Variants in ZFPM2 observed in about 807,000 individuals in gnomAD.
The protein encoded by ZFPM2 is zinc finger protein ZFPM2.
Under a neutral mutation model 98.6 loss-of-function variants are expected in ZFPM2, and 20 were observed. The observed-to-expected ratio is 0.20, with a 90% CI of 0.14 to 0.29. The LOEUF (loss-of-function observed/expected upper bound fraction) is 0.29, where lower values mean the gene tolerates loss of function less well. ZFPM2 is among the 10% of genes least tolerant of loss of function. The pLI is 1.00. For synonymous variants in ZFPM2, 518 were observed against 502.7 expected (o/e 1.03, Z -0.41); for missense variants, 1,310 against 1,388.6 (o/e 0.94, Z 0.90).
intron 1 of ZFPM2, among the ~76,000 whole-genome samples, chr8:105,393,379 T>TTTCTTTCTTTCTTTCTTTCC: frequency 9.4e-6 from 1 of 106,532 alleles, no homozygotes; most frequent in East Asian, 2.4e-4. Context: ...TCTTTCTTTC[T>TTTCTTTCTTTCTTTCTTTCC]TTCTTTCTTT....
chr8:105,616,607 A>G, intron 4 of ZFPM2: 1 of 282,498 alleles, frequency 3.5e-6, no homozygotes, highest in Non-Finnish European at 6.9e-6. Context: ...TTTCAGGTAT[A>G]AGTCTAAGTG....
chr8:105,749,414 T>C (rs1390339470), intron 5 of ZFPM2, among the ~76,000 whole-genome samples: 2 of 152,076 alleles, frequency 1.3e-5, no homozygotes, highest in African/African-American at 2.4e-5. Context: ...AAACATATAT[T>C]TGGGGGCAAA....
chr8:105,791,713 C>G (rs1386848869), intron 6 of ZFPM2, among the ~76,000 whole-genome samples: 3 of 152,204 alleles, frequency 2.0e-5, no homozygotes, highest in Admixed American at 1.3e-4. Context: ...ATGAATCCAT[C>G]TGGTCCTGGA....
chr8:105,510,469 A>T (rs1813795996), intron 3 of ZFPM2, among the ~76,000 whole-genome samples: 1 of 149,306 alleles, frequency 6.7e-6, no homozygotes, highest in African/African-American at 2.5e-5. Flanking sequence ...CTTGGAGATG[A>T]TTCACTATAA....
chr8:105,489,467 T>TATATATATA (rs372429625), intron 3 of ZFPM2, among the ~76,000 whole-genome samples: 4 of 88,038 alleles, frequency 4.5e-5, no homozygotes, highest in Admixed American at 3.6e-4. Flanking sequence ...TATATATATA[T>TATATATATA]TTTTTTTTTT....
chr8:105,529,993 T>A (rs1197880371), intron 3 of ZFPM2, among the ~76,000 whole-genome samples: 1 of 152,096 alleles, frequency 6.6e-6, no homozygotes, highest in Non-Finnish European at 1.5e-5. Flanking sequence ...GGCCTCCCAC[T>A]TTGAACTTTT....
chr8:105,671,873 C>G (rs1458365913), intron 5 of ZFPM2, among the ~76,000 whole-genome samples: 1 of 152,022 alleles, frequency 6.6e-6, no homozygotes, highest in African/African-American at 2.4e-5. Context: ...AAGTAGCTAG[C>G]ACAAAGAGAG....
rs184947846 is a variant in ZFPM2, at chr8:105,476,285, G to A, written c.301+31904G>A. 7.9e-5 allele frequency among the ~76,000 whole-genome samples: 12 copies of A among 152,258 alleles called. No individual in the cohort carries two copies. In the South Asian group the frequency reaches 1.0e-3, roughly 13 times the overall value. On this transcript the variant is annotated intron_variant, in intron 3 of 7. Coordinates refer to ENST00000407775, the MANE Select transcript of ZFPM2 (RefSeq NM_012082.4). ...CCGGGCTGCACAGCAGGTGAGTGGCGGGCGAGTGAGCATTACTGTCTGAGC... is the reference window on the plus strand; with the variant it reads ...CCGGGCTGCACAGCAGGTGAGTGGCAGGCGAGTGAGCATTACTGTCTGAGC...
intron 3 of ZFPM2, among the ~76,000 whole-genome samples, chr8:105,467,595 A>G (rs776081072): frequency 6.6e-6 from 1 of 152,138 alleles, no homozygotes; most frequent in Non-Finnish European, 1.5e-5. Context: ...GCACTTTACT[A>G]TGAAATGCTG....
intron 1 of ZFPM2, among the ~76,000 whole-genome samples, chr8:105,320,667 T>C (rs1812008768): frequency 6.6e-6 from 1 of 152,220 alleles, no homozygotes; most frequent in Non-Finnish European, 1.5e-5. Flanking sequence ...TAATTGATTG[T>C]ATGGCACAAG....
intron 1 of ZFPM2, among the ~76,000 whole-genome samples, chr8:105,393,390 C>CTTTCTTTCTTTCTTTCTTTCCTTTCTTTT (rs1554600712): frequency 7.4e-6 from 1 of 134,516 alleles, no homozygotes; most frequent in African/African-American, 2.7e-5. Flanking sequence ...TTCTTTCTTT[C>CTTTCTTTCTTTCTTTCTTTCCTTTCTTTT]TTCTTCAGAA....
At chr8:105,761,405 T>C (rs1317161896) in intron 5 of ZFPM2, among the ~76,000 whole-genome samples, 1 of 152,060 alleles carries the variant, frequency 6.6e-6, no homozygotes, top group Non-Finnish European at 1.5e-5. Flanking sequence ...ACCTTATGTT[T>C]TGTGCTACCT....
At chr8:105,678,984 C>T (rs1471614934) in intron 5 of ZFPM2, 1 of 152,166 alleles carries the variant, frequency 6.6e-6, no homozygotes, top group Non-Finnish European at 1.5e-5. Context: ...ACATCACTGC[C>T]ACTTGCTAGC....
intron 4 of ZFPM2, among the ~76,000 whole-genome samples, chr8:105,607,080 A>G (rs1464154105): frequency 3.3e-5 from 5 of 152,122 alleles, no homozygotes; most frequent in Admixed American, 3.3e-4. Flanking sequence ...AGATTTCTAC[A>G]TAGGTCCCCT....
At chr8:105,779,064 T>C (rs1377252543) in intron 5 of ZFPM2, among the ~76,000 whole-genome samples, 2 of 152,178 alleles carry the variant, frequency 1.3e-5, no homozygotes, top group African/African-American at 4.8e-5. Context: ...TAACTAACTT[T>C]TAAATGTCTT....
intron 1 of ZFPM2, among the ~76,000 whole-genome samples, chr8:105,350,776 A>G: frequency 6.6e-6 from 1 of 152,172 alleles, no homozygotes; most frequent in Non-Finnish European, 1.5e-5. Context: ...TCCCTGATGT[A>G]AAGATTGTCA....
rs148474420 is a variant in ZFPM2, at chr8:105,629,602, C to T, written c.421-4644C>T. ...AGTACAGATTTTGCCAGACTAAAAT[C>T]AAGGTGTCAGTCTTCCTGATGCATT... On this transcript the variant is annotated intron_variant, in intron 4 of 7. Transcript: ENST00000407775. Among the ~76,000 whole-genome samples, 856 of 152,210 alleles carry T rather than the reference C, an allele frequency of 5.6e-3. 32 individuals carry two copies. The highest frequency in any genetic ancestry group is 0.048 in the Admixed American group (739 of 15,280).
chr8:105,700,562 TTTTG>T (rs377429648), intron 5 of ZFPM2, among the ~76,000 whole-genome samples: 18,730 of 151,464 alleles, frequency 0.12, 1,485 homozygotes, highest in South Asian at 0.3. Flanking sequence ...CCTAGGAGTT[TTTTG>T]TTTGTTTGTT....
At chr8:105,501,459 A>C (rs2130472573) in intron 3 of ZFPM2, among the ~76,000 whole-genome samples, 2 of 151,332 alleles carry the variant, frequency 1.3e-5, no homozygotes, top group South Asian at 4.2e-4. Flanking sequence ...TGCTAGGATT[A>C]CAGATGTGAG....
Sources: allele counts gnomAD v4.1 joint callset (sites outside exome capture counted in the v4.1 genomes callset), GRCh38; gene constraint gnomAD v4.1.1; transcripts MANE v1.5; gene names NCBI Gene and HGNC (gene_info 2026-07-23, HGNC 2026-07-21).